ADCY2: variants seen among roughly 807,000 people sequenced by gnomAD.
ADCY2 encodes the protein adenylate cyclase 2.
In ADCY2, 31 loss-of-function variants were observed where a neutral mutation model predicts 125.2. That is an observed-to-expected ratio of 0.25 (90% CI 0.19 to 0.33). The LOEUF is 0.33. Ranked by LOEUF, ADCY2 falls within the 10% of genes least tolerant of loss-of-function variation. The pLI, the probability that ADCY2 is intolerant of heterozygous loss-of-function variation, is 1.00. For synonymous variants in ADCY2, 512 were observed against 548.4 expected, an observed-to-expected ratio of 0.93 and a Z score of 0.93; for missense variants, 904 against 1,418.2, an observed-to-expected ratio of 0.64 and a Z score of 5.82.
At chr5:7,459,013 T>C (rs576712343) in intron 2 of ADCY2, among the ~76,000 whole-genome samples, 1 of 152,118 alleles carries the variant, frequency 6.6e-6, no homozygotes, top group Admixed American at 6.6e-5. Context: ...GCTTAAATCA[T>C]GAAGATGCGT....
chr5:7,485,620 A>G (rs1413103680), intron 2 of ADCY2, among the ~76,000 whole-genome samples: 1 of 152,200 alleles, frequency 6.6e-6, no homozygotes, highest in Non-Finnish European at 1.5e-5. Context: ...CCTTTGACAT[A>G]TTAGTTTCTC....
At chr5:7,751,722 T>C (rs1742830407) in intron 15 of ADCY2, among the ~76,000 whole-genome samples, 2 of 152,154 alleles carry the variant, frequency 1.3e-5, no homozygotes, top group South Asian at 4.1e-4. Flanking sequence ...TCAAGAGTCT[T>C]AGTTGCAGCT....
At chr5:7,768,481 G>A (rs1311670180) in intron 17 of ADCY2, among the ~76,000 whole-genome samples, 2 of 152,062 alleles carry the variant, frequency 1.3e-5, no homozygotes, top group Non-Finnish European at 2.9e-5. Flanking sequence ...TCGCATTCAC[G>A]TGGCACTTTG....
At chr5:7,501,655 C>G (rs921197649) in intron 2 of ADCY2, among the ~76,000 whole-genome samples, 7 of 110,152 alleles carry the variant, frequency 6.4e-5, no homozygotes, top group African/African-American at 1.9e-4. Flanking sequence ...CTCCCCCCCC[C>G]CCCGCCAGTA....
chr5:7,680,034 T>TC (rs764622540), intron 4 of ADCY2, among the ~76,000 whole-genome samples: 54 of 151,634 alleles, frequency 3.6e-4, no homozygotes, highest in Non-Finnish European at 6.9e-4. Context: ...GGCCACAGAG[T>TC]CCAAGGTGGA....
At chr5:7,736,189 T>C (rs1742247829) in intron 14 of ADCY2, among the ~76,000 whole-genome samples, 1 of 152,132 alleles carries the variant, frequency 6.6e-6, no homozygotes, top group Admixed American at 6.6e-5. Context: ...CACTGCACTC[T>C]TGCTTGGGTG....
At position 7,790,496 on chromosome 5, in the gene ADCY2, G is replaced by A. The variant is rs6895916; in HGVS notation, c.2628+696G>A. 1.5e-3 allele frequency among the ~76,000 whole-genome samples: 225 copies of A among 152,342 alleles called. 2 individuals are homozygous for A. Among genetic ancestry groups the A allele is most frequent in the African/African-American group, 4.9e-3 (203 of 41,578 alleles). On this transcript the variant is annotated intron_variant, in intron 20 of 24. Coordinates refer to ENST00000338316, the MANE Select transcript of ADCY2 (RefSeq NM_020546.3). ...GTGAGATGTCTTTAATATTGCTGAA[G>A]TGCAAGAGAAAGCAGATATGTCTAC...
intron 14 of ADCY2, among the ~76,000 whole-genome samples, chr5:7,728,532 C>G (rs143295632): frequency 2.6e-4 from 39 of 152,250 alleles, no homozygotes; most frequent in African/African-American, 9.4e-4. Context: ...TTAACATTAT[C>G]AGTTTTCCAT....
At chr5:7,708,813 A>G (rs910612008) in intron 9 of ADCY2, among the ~76,000 whole-genome samples, 3 of 152,244 alleles carry the variant, frequency 2.0e-5, no homozygotes, top group Non-Finnish European at 4.4e-5. Context: ...TACAAAGAAC[A>G]TTACGTTCAG....
At chr5:7,443,870 G>A (rs1184390885) in intron 2 of ADCY2, among the ~76,000 whole-genome samples, 1 of 151,684 alleles carries the variant, frequency 6.6e-6, no homozygotes, top group Non-Finnish European at 1.5e-5. Flanking sequence ...TGCTGTTTTT[G>A]TGATTCTCCC....
intron 3 of ADCY2, among the ~76,000 whole-genome samples, chr5:7,598,416 G>A (rs1382456832): frequency 1.3e-5 from 2 of 152,240 alleles, no homozygotes; most frequent in Non-Finnish European, 2.9e-5. Flanking sequence ...TGACCTTGTA[G>A]TTCTTAAAGT....
chr5:7,532,028 G>T (rs1270179642), intron 3 of ADCY2, among the ~76,000 whole-genome samples: 1 of 152,198 alleles, frequency 6.6e-6, no homozygotes, highest in Non-Finnish European at 1.5e-5. Flanking sequence ...AAGCTCTGTA[G>T]TGTACAACAT....
At chr5:7,479,798 G>A (rs1228701213) in intron 2 of ADCY2, among the ~76,000 whole-genome samples, 1 of 152,014 alleles carries the variant, frequency 6.6e-6, no homozygotes, top group East Asian at 1.9e-4. Flanking sequence ...AGCTTCATGA[G>A]TTCAATTGTT....
rs1741278388 is a variant in ADCY2 at position 7,706,733 on chromosome 5, C to T, written c.1110-11C>T. On this transcript the variant is annotated splice_polypyrimidine_tract_variant and intron_variant, in intron 7 of 24. Coordinates refer to ENST00000338316, the MANE Select transcript of ADCY2 (RefSeq NM_020546.3). ...GTTACTTGATCATGATCTTACTTCCCTTCTCTTTAGGAAAGTGAGGGATGC... is the reference window on the plus strand; with the variant it reads ...GTTACTTGATCATGATCTTACTTCCTTTCTCTTTAGGAAAGTGAGGGATGC... The T allele has an allele frequency of 1.2e-6, 2 of 1,613,664 alleles. No homozygotes were observed. Among genetic ancestry groups the T allele is most frequent in the Admixed American group, 1.7e-5 (1 of 59,982 alleles).
At chr5:7,556,424 A>C (rs1735508066) in intron 3 of ADCY2, among the ~76,000 whole-genome samples, 1 of 152,254 alleles carries the variant, frequency 6.6e-6, no homozygotes, top group Non-Finnish European at 1.5e-5. Flanking sequence ...AATTTGCATC[A>C]CAAGAGTTCT....
chr5:7,422,877 T>A (rs1282217678), intron 2 of ADCY2, among the ~76,000 whole-genome samples: 1 of 152,196 alleles, frequency 6.6e-6, no homozygotes, highest in Non-Finnish European at 1.5e-5. Context: ...GCAGAATCCT[T>A]TTGCTTTTCC....
At chr5:7,633,448 AAG>A (rs1388094049) in intron 4 of ADCY2, among the ~76,000 whole-genome samples, 14 of 152,088 alleles carry the variant, frequency 9.2e-5, no homozygotes, top group Non-Finnish European at 1.9e-4. Context: ...AAAAAAGAAA[AAG>A]AAAAAATATA....
intron 2 of ADCY2, among the ~76,000 whole-genome samples, chr5:7,461,270 T>A (rs1050063119): frequency 6.6e-6 from 1 of 152,226 alleles, no homozygotes; most frequent in African/African-American, 2.4e-5. Context: ...GGAGTGTTGT[T>A]CTTTGGCTGA....
intron 2 of ADCY2, among the ~76,000 whole-genome samples, chr5:7,472,543 T>A (rs762408068): frequency 1.6e-4 from 25 of 152,044 alleles, no homozygotes; most frequent in Admixed American, 5.2e-4. Context: ...ATATATATGG[T>A]TTATCTTTTA....
Sources: allele counts gnomAD v4.1 joint callset (sites outside exome capture counted in the v4.1 genomes callset), GRCh38; gene constraint gnomAD v4.1.1; transcripts MANE v1.5; gene names NCBI Gene and HGNC (gene_info 2026-07-23, HGNC 2026-07-21).